Variants in TMC1 observed in about 807,000 individuals in gnomAD.
TMC1 encodes the protein transmembrane channel-like protein 1.
TMC1 carries 84 observed loss-of-function variants against 105.8 expected under a neutral mutation model. That is an observed-to-expected ratio of 0.79 (90% CI 0.67 to 0.95). TMC1 has a LOEUF of 0.95. TMC1 is among the 40% of genes least tolerant of loss of function. The pLI is 0.00. For missense variants in TMC1, 817 were observed against 914.1 expected (o/e 0.89, Z 1.37); for synonymous variants, 315 against 311.5 (o/e 1.01, Z -0.12).
At chr9:72,737,282 A>G (rs1342818975) in intron 8 of TMC1, among the ~76,000 whole-genome samples, 2 of 152,226 alleles carry the variant, frequency 1.3e-5, no homozygotes, top group African/African-American at 2.4e-5. Flanking sequence ...TAATATATCA[A>G]TCATGTTAGA....
At chr9:72,593,303 C>A (rs1297184606) in intron 2 of TMC1, among the ~76,000 whole-genome samples, 1 of 151,910 alleles carries the variant, frequency 6.6e-6, no homozygotes, top group East Asian at 1.9e-4. Context: ...CTTTGGGAGG[C>A]CATGGTGGAA....
intron 5 of TMC1, chr9:72,656,183 T>C: frequency 1.7e-6 from 1 of 572,738 alleles, no homozygotes; most frequent in Non-Finnish European, 3.3e-6. Flanking sequence ...CCGGTATCCT[T>C]AAAAGCCATC....
intron 2 of TMC1, among the ~76,000 whole-genome samples, chr9:72,606,984 T>C (rs997392390): frequency 6.9e-5 from 8 of 116,494 alleles, no homozygotes; most frequent in Admixed American, 6.7e-4. Flanking sequence ...TGTGTGTGCA[T>C]ATATATATAT....
At chr9:72,545,227 C>T (rs1437669486) in intron 1 of TMC1, among the ~76,000 whole-genome samples, 1 of 150,860 alleles carries the variant, frequency 6.6e-6, no homozygotes, top group Non-Finnish European at 1.5e-5. Flanking sequence ...ATTTCTTTAT[C>T]CACTCATTGA....
At chr9:72,727,512 C>T (rs1827142844) in intron 8 of TMC1, among the ~76,000 whole-genome samples, 1 of 151,884 alleles carries the variant, frequency 6.6e-6, no homozygotes, top group South Asian at 2.1e-4. Flanking sequence ...CTCCTCATAG[C>T]TATGTATAGC....
intron 3 of TMC1, among the ~76,000 whole-genome samples, chr9:72,624,709 T>C (rs918323384): frequency 2.6e-5 from 4 of 152,140 alleles, no homozygotes; most frequent in African/African-American, 9.7e-5. Flanking sequence ...TACTGATTGT[T>C]TGTAGGTAGC....
intron 23 of TMC1, among the ~76,000 whole-genome samples, chr9:72,835,104 C>T (rs1015744698): frequency 6.6e-6 from 1 of 152,028 alleles, no homozygotes; most frequent in Non-Finnish European, 1.5e-5. Context: ...TTCCCCTATT[C>T]TCCCCCTCCT....
At chr9:72,825,572 T>G (rs991612943) in intron 20 of TMC1, among the ~76,000 whole-genome samples, 1 of 152,188 alleles carries the variant, frequency 6.6e-6, no homozygotes, top group Non-Finnish European at 1.5e-5. Context: ...AGGGATAATT[T>G]CATAAAATTT....
chr9:72,799,559 A>G (rs1004479068), intron 17 of TMC1, among the ~76,000 whole-genome samples: 4 of 152,106 alleles, frequency 2.6e-5, no homozygotes, highest in Non-Finnish European at 5.9e-5. Flanking sequence ...ATTTTATTTT[A>G]TTTGTTAAGC....
At chr9:72,652,498 A>G (rs916717519) in intron 5 of TMC1, among the ~76,000 whole-genome samples, 1 of 152,132 alleles carries the variant, frequency 6.6e-6, no homozygotes, top group Admixed American at 6.6e-5. Context: ...AACAGAAAGG[A>G]TGGGCCAGCG....
chr9:72,692,301 A>T (rs1826478374), intron 6 of TMC1, among the ~76,000 whole-genome samples: 1 of 152,120 alleles, frequency 6.6e-6, no homozygotes, highest in Non-Finnish European at 1.5e-5. Context: ...AGAGACTGGG[A>T]GATGATGGTT....
intron 18 of TMC1, among the ~76,000 whole-genome samples, chr9:72,808,691 C>T (rs1210381319): frequency 6.6e-6 from 1 of 152,222 alleles, no homozygotes; most frequent in Non-Finnish European, 1.5e-5. Flanking sequence ...AACTCTGCCT[C>T]CTTCGAAGCA....
chr9:72,622,809 G>C (rs528581885), intron 3 of TMC1, among the ~76,000 whole-genome samples: 25 of 152,146 alleles, frequency 1.6e-4, no homozygotes, highest in African/African-American at 5.8e-4. Flanking sequence ...CCAGCACTTT[G>C]GGAGGCTGAG....
intron 12 of TMC1, among the ~76,000 whole-genome samples, chr9:72,765,803 C>G (rs1827822406): frequency 6.6e-6 from 1 of 152,120 alleles, no homozygotes; most frequent in Admixed American, 6.5e-5. Flanking sequence ...TCCTATGAGA[C>G]ATGCAAGTGG....
chr9:72,694,452 T>C, intron 6 of TMC1, 91 bp from the exon 7 acceptor site: 1 of 1,130,026 alleles, frequency 8.8e-7, no homozygotes, highest in South Asian at 1.3e-5. Flanking sequence ...CTGTCAGATG[T>C]GTAATAATAG....
chr9:72,810,896 T>A (rs552130205), intron 18 of TMC1, among the ~76,000 whole-genome samples: 66 of 152,316 alleles, frequency 4.3e-4, no homozygotes, highest in African/African-American at 1.6e-3. Context: ...GTACAAATTA[T>A]TTTCTTATGA....
rs137875285 is a variant in TMC1 at position 72,691,692 on chromosome 9, C to T, written c.65-2851C>T. ...TGTCCTGAGTTCTTTTTTTTGTTTC[C>T]AGTAGTCCCCAGGCATCAACAGTAT... On this transcript the variant is annotated intron_variant, in intron 6 of 23. Coordinates refer to ENST00000297784, the MANE Select transcript of TMC1 (RefSeq NM_138691.3). 2.4e-4 allele frequency among the ~76,000 whole-genome samples: 37 copies of T among 151,968 alleles called. No homozygotes were observed. The East Asian group carries it at 5.8e-3, about 24-fold the overall frequency.
chr9:72,603,266 C>T (rs1824849121), intron 2 of TMC1, among the ~76,000 whole-genome samples: 2 of 152,060 alleles, frequency 1.3e-5, no homozygotes, highest in Admixed American at 1.3e-4. Context: ...TCATGCCTGA[C>T]CACACACCAA....
intron 8 of TMC1, among the ~76,000 whole-genome samples, chr9:72,734,928 C>T (rs1432309320): frequency 6.6e-6 from 1 of 152,206 alleles, no homozygotes; most frequent in African/African-American, 2.4e-5. Flanking sequence ...CATGACCTAA[C>T]ACTTCTGTGT....
Sources: allele counts gnomAD v4.1 joint callset (sites outside exome capture counted in the v4.1 genomes callset), GRCh38; gene constraint gnomAD v4.1.1; transcripts MANE v1.5; gene names NCBI Gene and HGNC (gene_info 2026-07-23, HGNC 2026-07-21).